Variants in RNF130 observed in about 807,000 individuals in gnomAD.
RNF130 encodes the protein ring finger protein 130.
In RNF130, 21 loss-of-function variants were observed where a neutral mutation model predicts 44.6. The ratio of observed to expected loss-of-function variants is 0.47; its 90% CI spans 0.33 to 0.68. The LOEUF (loss-of-function observed/expected upper bound fraction) is 0.68. Ranked by LOEUF, RNF130 falls within the 30% of genes least tolerant of loss-of-function variation. The pLI is 0.02. For missense variants in RNF130, 479 were observed against 560.6 expected (o/e 0.85, Z 1.47); for synonymous variants, 214 against 210.4 (o/e 1.02, Z -0.15).
intron 3 of RNF130, among the ~76,000 whole-genome samples, chr5:180,008,011 C>T (rs111321644): frequency 0.012 from 1,011 of 87,476 alleles, 4 homozygotes; most frequent in Non-Finnish European, 0.018. Flanking sequence ...TTTTTTTTAA[C>T]AGGTATATTA....
Position 180,051,184 on chromosome 5 carries a change from A to C in RNF130, c.248-10537T>G, listed in dbSNP as rs1764678458. Among the ~76,000 whole-genome samples the C allele has an allele frequency of 2.0e-5, 3 of 152,120 alleles. No homozygotes were observed. The South Asian group carries it at 6.2e-4, about 31-fold the overall frequency. On this transcript the variant is annotated intron_variant, in intron 1 of 8. Transcript: ENST00000521389. ...ACAATTCTTACAATTACCAATTGTA[A>C]ATAAAAAGGTGATACATTCTTACAA...
chr5:179,999,107 C>CTGCCTCGCAGGT (rs1554103702), intron 3 of RNF130, among the ~76,000 whole-genome samples: 2 of 151,110 alleles, frequency 1.3e-5, no homozygotes, highest in East Asian at 3.9e-4. Context: ...ACTGCAGCCT[C>CTGCCTCGCAGGT]TGCCTTGCAG....
At chr5:179,948,268 T>G (rs1762072921) in intron 7 of RNF130, among the ~76,000 whole-genome samples, 1 of 152,232 alleles carries the variant, frequency 6.6e-6, no homozygotes, top group African/African-American at 2.4e-5. Flanking sequence ...TGGTACACCC[T>G]AAGTGATCAG....
At chr5:180,032,745 G>C (rs925956798) in intron 2 of RNF130, among the ~76,000 whole-genome samples, 1 of 152,056 alleles carries the variant, frequency 6.6e-6, no homozygotes, top group Admixed American at 6.5e-5. Flanking sequence ...GTTGTGAAAC[G>C]GAGTGTGTAA....
chr5:179,930,189 C>A (rs895490000), intron 7 of RNF130, among the ~76,000 whole-genome samples: 1 of 152,108 alleles, frequency 6.6e-6, no homozygotes, highest in Non-Finnish European at 1.5e-5. Flanking sequence ...TCCCGAGTAG[C>A]TGGGATTACA....
intron 3 of RNF130, among the ~76,000 whole-genome samples, chr5:179,982,150 T>G (rs772555063): frequency 2.0e-5 from 3 of 151,944 alleles, no homozygotes; most frequent in African/African-American, 7.3e-5. Flanking sequence ...AGATACAGTA[T>G]GTACTACTGT....
At chr5:179,988,829 A>G (rs1763012272) in intron 3 of RNF130, among the ~76,000 whole-genome samples, 1 of 152,214 alleles carries the variant, frequency 6.6e-6, no homozygotes, top group African/African-American at 2.4e-5. Context: ...ACAATGTTCC[A>G]TATGTTGAGG....
At chr5:180,042,160 C>T (rs1229962205) in intron 1 of RNF130, among the ~76,000 whole-genome samples, 1 of 152,204 alleles carries the variant, frequency 6.6e-6, no homozygotes, top group Non-Finnish European at 1.5e-5. Context: ...AAACTAAATG[C>T]TTACACGACT....
chr5:180,064,130 C>T (rs964737736), intron 1 of RNF130, among the ~76,000 whole-genome samples: 3 of 152,242 alleles, frequency 2.0e-5, no homozygotes, highest in Non-Finnish European at 4.4e-5. Context: ...GGATTTAAGC[C>T]TATTTATGGA....
At chr5:179,986,810 A>T (rs1041354962) in intron 3 of RNF130, among the ~76,000 whole-genome samples, 3 of 152,212 alleles carry the variant, frequency 2.0e-5, no homozygotes, top group African/African-American at 7.2e-5. Context: ...ATACATGATG[A>T]CATATATTTC....
exon 8 of RNF130, chr5:179,914,172 G>C (rs1193313810): frequency 1.3e-5 from 2 of 152,222 alleles, no homozygotes; most frequent in Admixed American, 6.5e-5. Context: ...CAAAATACAA[G>C]ACAAAACTCC....
At chr5:179,954,461 G>A (rs546380308), downstream of RNF130, among the ~76,000 whole-genome samples, 592 of 152,264 alleles carry the variant, frequency 3.9e-3, 1 homozygote, top group Non-Finnish European at 5.9e-3. Flanking sequence ...AGTCAAAGAC[G>A]CCAGACACAA....
At chr5:179,986,620 A>T (rs961065391) in intron 3 of RNF130, among the ~76,000 whole-genome samples, 1 of 152,184 alleles carries the variant, frequency 6.6e-6, no homozygotes, top group Non-Finnish European at 1.5e-5. Context: ...TGAAATTATT[A>T]CATTAATACA....
intron 1 of RNF130, among the ~76,000 whole-genome samples, chr5:180,062,885 G>T (rs776994171): frequency 6.6e-6 from 1 of 152,178 alleles, no homozygotes; most frequent in Non-Finnish European, 1.5e-5. Context: ...CAGAACCCAA[G>T]AATTTTTGTA....
intron 7 of RNF130, among the ~76,000 whole-genome samples, chr5:179,932,502 C>T (rs898040137): frequency 6.6e-6 from 1 of 151,696 alleles, no homozygotes; most frequent in Non-Finnish European, 1.5e-5. Flanking sequence ...TCAAATGATC[C>T]GCCCGCCTCA....
chr5:179,974,893 C>G (rs1272428929), intron 5 of RNF130, among the ~76,000 whole-genome samples: 1 of 152,242 alleles, frequency 6.6e-6, no homozygotes, highest in Non-Finnish European at 1.5e-5. Context: ...GGCCTGCGCA[C>G]CCGGGTCAGC....
At chr5:179,922,285 A>T (rs1261759124) in intron 7 of RNF130, among the ~76,000 whole-genome samples, 4 of 152,044 alleles carry the variant, frequency 2.6e-5, no homozygotes, top group African/African-American at 4.8e-5. Flanking sequence ...TTAGTCCATT[A>T]AAAAAACTGG....
At chr5:179,983,899 G>T (rs1209600026) in intron 3 of RNF130, among the ~76,000 whole-genome samples, 1 of 152,108 alleles carries the variant, frequency 6.6e-6, no homozygotes, top group African/African-American at 2.4e-5. Context: ...TTGATGCTAT[G>T]GAAAATGGGA....
Position 179,955,526 on chromosome 5 carries a change from G to T in RNF130, c.*128C>A. 2 of 724,546 alleles carry T rather than the reference G, an allele frequency of 2.8e-6. No homozygotes were observed. Among genetic ancestry groups the T allele is most frequent in the Non-Finnish European group, 4.5e-6 (2 of 441,896 alleles). 44.9% of individuals were successfully genotyped at this position (724,546 alleles called of 1,614,324 possible). ...CTTTTAATACAAAGCTTTGGCATTA[G>T]CAATTTTATGAAAAAATAAAATGTA... On this transcript the variant is annotated 3_prime_UTR_variant, in exon 9 of 9. Coordinates refer to ENST00000521389, the MANE Select transcript of RNF130 (RefSeq NM_018434.6).
Sources: allele counts gnomAD v4.1 joint callset (sites outside exome capture counted in the v4.1 genomes callset), GRCh38; gene constraint gnomAD v4.1.1; transcripts MANE v1.5; gene names NCBI Gene and HGNC (gene_info 2026-07-23, HGNC 2026-07-21).